Variants in PILRA observed in about 807,000 individuals in gnomAD.
The protein encoded by PILRA is paired immunoglobulin-like type 2 receptor alpha.
In PILRA, 37 loss-of-function variants were observed where a neutral mutation model predicts 33.1. The ratio of observed to expected loss-of-function variants is 1.12; its 90% CI spans 0.86 to 1.47. PILRA has a LOEUF of 1.47. PILRA is among the 40% of genes most tolerant of loss of function. PILRA has a pLI of 0.00. For missense variants in PILRA, 312 were observed against 376.2 expected (o/e 0.83, Z 1.41); for synonymous variants, 146 against 149.9 (o/e 0.97, Z 0.19).
At chr7:100,392,494 A>G (rs1791408006) in intron 3 of PILRA, among the ~76,000 whole-genome samples, 1 of 152,172 alleles carries the variant, frequency 6.6e-6, no homozygotes, top group Non-Finnish European at 1.5e-5. Context: ...GATTAAATGT[A>G]CTGTGTTTAG....
chr7:100,395,919 G>C (rs918570940), intron 3 of PILRA, among the ~76,000 whole-genome samples: 2 of 152,146 alleles, frequency 1.3e-5, no homozygotes, highest in African/African-American at 4.8e-5. Context: ...GAGGCCAGGA[G>C]TTCGAGACCA....
At chr7:100,377,589 T>C (rs915828552) in intron 2 of PILRA, among the ~76,000 whole-genome samples, 3 of 152,080 alleles carry the variant, frequency 2.0e-5, no homozygotes, top group Non-Finnish European at 2.9e-5. Context: ...CACTATAGGT[T>C]GAAAATATTG....
chr7:100,377,366 G>A (rs1460333071), intron 2 of PILRA, among the ~76,000 whole-genome samples: 7 of 146,564 alleles, frequency 4.8e-5, no homozygotes, highest in Non-Finnish European at 8.9e-5. Context: ...TCAGCCTCCC[G>A]AGTAGCTGGG....
intron 2 of PILRA, among the ~76,000 whole-genome samples, chr7:100,381,649 C>T (rs1791097915): frequency 6.6e-6 from 1 of 152,220 alleles, no homozygotes; most frequent in African/African-American, 2.4e-5. Flanking sequence ...GCCCTTCATC[C>T]CGCCGCTGCA....
chr7:100,388,078 G>T (rs1791292612), intron 2 of PILRA, among the ~76,000 whole-genome samples: 2 of 151,940 alleles, frequency 1.3e-5, no homozygotes, highest in Admixed American at 1.3e-4. Flanking sequence ...ATACTCCAGG[G>T]TTCTTTTTTA....
chr7:100,396,572 A>C (rs1791496970), intron 3 of PILRA, among the ~76,000 whole-genome samples: 1 of 152,156 alleles, frequency 6.6e-6, no homozygotes, highest in Admixed American at 6.6e-5. Flanking sequence ...GAATCGCTTG[A>C]ACCAGAGAGG....
intron 2 of PILRA, among the ~76,000 whole-genome samples, chr7:100,382,595 G>A (rs993908070): frequency 1.3e-5 from 2 of 152,174 alleles, no homozygotes; most frequent in Non-Finnish European, 2.9e-5. Flanking sequence ...TCGGCTCTCT[G>A]TAAAATAGAC....
At position 100,374,250 on chromosome 7, in the gene PILRA, A is replaced by G. The variant is rs1354394607; in HGVS notation, c.271A>G (p.Lys91Glu). ...CAGCACAAGGCCGCCTTCCATTCAC[A>G]AGGATTATGTGAACCGGCTCTTTCT... ...FYSTRPPSIH[K>E]DYVNRLFLNW... Residue 91 changes from lysine to glutamate, a missense_variant, in exon 2 of 7, where the codon AAG (lysine) becomes GAG (glutamate). Physicochemically the swap from Lys to Glu is moderately conservative, Grantham distance 56. Transcript: ENST00000198536. 6.2e-7 allele frequency: 1 copy of G among 1,614,134 alleles called. No homozygotes were observed. The highest frequency in any genetic ancestry group is 1.1e-5 in the South Asian group (1 of 91,082).
At chr7:100,390,220 C>A in intron 3 of PILRA, 114 bp downstream of exon 3, 1 of 892,342 alleles carries the variant, frequency 1.1e-6, no homozygotes, top group Non-Finnish European at 1.8e-6. Flanking sequence ...CCCCTCAAGC[C>A]CACCGAGGCC....
At chr7:100,384,819 T>C (rs1791221140) in intron 2 of PILRA, among the ~76,000 whole-genome samples, 1 of 152,018 alleles carries the variant, frequency 6.6e-6, no homozygotes, top group Non-Finnish European at 1.5e-5. Flanking sequence ...ACACAGTGAA[T>C]GAGATCATCT....
chr7:100,389,129 T>A (rs1416532634), intron 2 of PILRA, among the ~76,000 whole-genome samples: 1 of 152,202 alleles, frequency 6.6e-6, no homozygotes, highest in Non-Finnish European at 1.5e-5. Flanking sequence ...AAAAAAGCAC[T>A]CCGTTAAGAC....
intron 2 of PILRA, among the ~76,000 whole-genome samples, chr7:100,381,120 G>A (rs1407810195): frequency 6.6e-6 from 1 of 151,936 alleles, no homozygotes; most frequent in African/African-American, 2.4e-5. Context: ...CAAAAAATTA[G>A]CCGGGTGTGG....
At chr7:100,378,266 C>T (rs1270048786) in intron 2 of PILRA, among the ~76,000 whole-genome samples, 2 of 151,832 alleles carry the variant, frequency 1.3e-5, no homozygotes, top group Non-Finnish European at 2.9e-5. Context: ...ACAGGAGGAT[C>T]GCTTGAGGCC....
At chr7:100,387,929 G>A (rs1020720202) in intron 2 of PILRA, among the ~76,000 whole-genome samples, 2 of 151,938 alleles carry the variant, frequency 1.3e-5, no homozygotes, top group African/African-American at 2.4e-5. Context: ...CTTCCTCTGA[G>A]TTTCTTTACA....
At chr7:100,383,706 C>A (rs1039299389) in intron 2 of PILRA, among the ~76,000 whole-genome samples, 1 of 151,182 alleles carries the variant, frequency 6.6e-6, no homozygotes. Flanking sequence ...GCATGGTCTT[C>A]GGTCACTGAA....
chr7:100,397,057 G>A (rs1791510943), intron 3 of PILRA, among the ~76,000 whole-genome samples: 1 of 150,876 alleles, frequency 6.6e-6, no homozygotes, highest in Non-Finnish European at 1.5e-5. Context: ...ACAGAAGAGT[G>A]CTGGAAAGAA....
At chr7:100,385,152 G>T (rs1477086074) in intron 2 of PILRA, among the ~76,000 whole-genome samples, 1 of 152,200 alleles carries the variant, frequency 6.6e-6, no homozygotes, top group Non-Finnish European at 1.5e-5. Context: ...ATGCTGTTTA[G>T]AAATAGAAGG....
chr7:100,380,798 G>A (rs1185780906), intron 2 of PILRA, among the ~76,000 whole-genome samples: 1 of 152,026 alleles, frequency 6.6e-6, no homozygotes, highest in Non-Finnish European at 1.5e-5. Flanking sequence ...AACCCTCCCT[G>A]TCTCTACTAA....
rs1283380697 is a variant in PILRA, at chr7:100,377,474, G to A, written c.454+3041G>A. Among the ~76,000 whole-genome samples the A allele has an allele frequency of 3.3e-5, 5 of 151,512 alleles. No individual in the cohort carries two copies. In the Middle Eastern group the frequency reaches 0.01, roughly 311 times the overall value. On this transcript the variant is annotated intron_variant, in intron 2 of 6. Transcript: ENST00000198536. ...GCCAGGATGGTCTCGATCTCCTGACGTCGTGATCTGCCCGCCTCGGCCTCC... is the reference window on the plus strand; with the variant it reads ...GCCAGGATGGTCTCGATCTCCTGACATCGTGATCTGCCCGCCTCGGCCTCC...
Sources: gnomAD v4.1 joint callset for allele counts (sites outside exome capture counted in the v4.1 genomes callset) on GRCh38, gnomAD v4.1.1 for gene constraint, MANE v1.5 for transcripts, NCBI Gene and HGNC (gene_info 2026-07-23, HGNC 2026-07-21) for gene names.